Variants in RAB40C observed in about 807,000 individuals in gnomAD.
RAB40C encodes the protein RAB40C, member RAS oncogene family, also known as ras-related protein Rab-40C.
A neutral mutation model predicts 28.1 loss-of-function variants in RAB40C; 8 were observed. The observed-to-expected ratio is 0.28, with a 90% CI of 0.17 to 0.51. RAB40C has a LOEUF of 0.51. Ranked by LOEUF, RAB40C falls within the 20% of genes least tolerant of loss-of-function variation. The pLI is 0.97. For synonymous variants in RAB40C, 201 were observed against 171.7 expected, an observed-to-expected ratio of 1.17 and a Z score of -1.34; for missense variants, 288 against 405.9, an observed-to-expected ratio of 0.71 and a Z score of 2.50.
rs1261748631 is a variant in RAB40C, at chr16:626,133, G to A, written c.565+12G>A. The A allele has an allele frequency of 6.2e-7, 1 of 1,607,712 alleles. No homozygotes were observed. The highest frequency in any genetic ancestry group is 2.2e-5 in the East Asian group (1 of 44,866). ...GAGGCCCAACCGAGGTGGGTGGGCG[G>A]GCGCCGGCCAGCCCTGAGGTCCCCG... is the stretch of plus-strand genomic sequence containing the variant. On this transcript the variant is annotated intron_variant, in intron 5 of 5. Transcript: ENST00000248139.
Position 610,123 on chromosome 16 carries a change from G to A in RAB40C, c.143-7085G>A, listed in dbSNP as rs2036453225. Reference sequence around the variant, plus strand: ...TGAGACTTGGTCTCCTGTAGCTGGTGGGGAAGCGGCACCCTGTGCGGTAGA... The same window carrying A: ...TGAGACTTGGTCTCCTGTAGCTGGTAGGGAAGCGGCACCCTGTGCGGTAGA... On this transcript the variant is annotated intron_variant, in intron 1 of 5. Transcript: ENST00000248139. The surrounding 1 kb of genome is among the most constrained non-coding windows in gnomAD (Gnocchi z 4.6). Among the ~76,000 whole-genome samples the A allele has an allele frequency of 6.7e-6, 1 of 150,270 alleles. No homozygotes were observed. The highest frequency in any genetic ancestry group is 1.5e-5 in the Non-Finnish European group (1 of 68,032).
intron 3 of RAB40C, 113 bp from the exon 4 acceptor site, chr16:625,319 A>G (rs1220986952): frequency 8.0e-6 from 12 of 1,497,732 alleles, no homozygotes; most frequent in African/African-American, 1.4e-5. Flanking sequence ...CCGCCAAGTA[A>G]TAAGCATCCT....
chr16:626,066 A>T lies in RAB40C; in HGVS notation c.510A>T (p.Leu170=), dbSNP rs751059991. ...NFNVIESFTE[L]SRIVLMRHGM... ...ACGTCATCGAGTCCTTCACGGAGCT[A>T]TCCCGCATCGTGCTCATGCGGCACG... Residue 170 remains leucine (L), a synonymous_variant, in exon 5 of 6, where the codon CTA becomes CTT. Transcript: ENST00000248139. 6.2e-7 allele frequency: 1 copy of T among 1,613,244 alleles called. No homozygotes were observed. The highest frequency in any genetic ancestry group is 1.3e-5 in the African/African-American group (1 of 74,942).
At chr16:591,182 C>A (rs779300314) in intron 1 of RAB40C, among the ~76,000 whole-genome samples, 1 of 135,126 alleles carries the variant, frequency 7.4e-6, no homozygotes, top group South Asian at 2.3e-4. Context: ...GGGAAGGTGT[C>A]ATGGGCCTAA....
intron 3 of RAB40C, chr16:625,056 G>C (rs544396053): frequency 3.1e-6 from 4 of 1,294,782 alleles, no homozygotes; most frequent in South Asian, 1.2e-5. Flanking sequence ...AGGTACTCCC[G>C]GGGGGATTCA....
At chr16:601,365 G>A (rs1002121007) in intron 1 of RAB40C, among the ~76,000 whole-genome samples, 1 of 152,164 alleles carries the variant, frequency 6.6e-6, no homozygotes, top group Non-Finnish European at 1.5e-5. Flanking sequence ...TAGGTGGGCT[G>A]GGCAGAAGGC....
At position 617,249 on chromosome 16, in the gene RAB40C, C is replaced by T. The variant is rs765943081; in HGVS notation, c.184C>T (p.Arg62Cys). 3.7e-5 allele frequency: 60 copies of T among 1,614,022 alleles called. No individual in the cohort carries two copies. Among genetic ancestry groups the T allele is most frequent in the East Asian group, 2.2e-5 (1 of 44,888 alleles). ...KTTTILLDGR[R>C]VKLELWDTSG... is the part of the protein sequence containing the mutation. The stretch of plus-strand genomic sequence containing the variant: ...CACCACCATCCTGCTGGACGGCCGG[C>T]GCGTGAAGCTGGAGCTCTGGTGAGT... Residue 62 changes from arginine (R) to cysteine (C), a missense_variant, in exon 2 of 6, where the codon CGC becomes TGC. Coordinates refer to ENST00000248139, the MANE Select transcript of RAB40C (RefSeq NM_021168.5).
At chr16:625,281 GC>G in intron 3 of RAB40C, 150 bp from the exon 4 acceptor site, 2 of 1,457,794 alleles carry the variant, frequency 1.4e-6, no homozygotes, top group Non-Finnish European at 1.8e-6. Context: ...CACCAGCTCT[GC>G]CTGGAGGGCA....
At chr16:602,840 G>A (rs2036281744) in intron 1 of RAB40C, among the ~76,000 whole-genome samples, 1 of 152,338 alleles carries the variant, frequency 6.6e-6, no homozygotes, top group East Asian at 1.9e-4. Flanking sequence ...AAAGTGTCGA[G>A]ATGACAGGTG....
intron 1 of RAB40C, among the ~76,000 whole-genome samples, chr16:608,102 A>G (rs1247866983): frequency 1.3e-5 from 2 of 152,188 alleles, no homozygotes; most frequent in Admixed American, 1.3e-4. Context: ...TCATTTGTAA[A>G]GAAAAGAGGT....
upstream of RAB40C, chr16:589,940 G>A (rs1185510295): frequency 6.6e-6 from 1 of 151,448 alleles, no homozygotes; most frequent in South Asian, 1.9e-4. Flanking sequence ...GGTGCGACCG[G>A]AGGTCTGGCG....
At chr16:591,456 G>A (rs897994907) in intron 1 of RAB40C, among the ~76,000 whole-genome samples, 5 of 152,220 alleles carry the variant, frequency 3.3e-5, no homozygotes, top group Non-Finnish European at 5.9e-5. Context: ...AGCGTGCACA[G>A]ATGACAGGTC....
At chr16:622,957 T>C (rs2036752345) in intron 3 of RAB40C, among the ~76,000 whole-genome samples, 1 of 152,060 alleles carries the variant, frequency 6.6e-6, no homozygotes, top group South Asian at 2.1e-4. Context: ...GAGTCTCCTT[T>C]TGGTTTCTCA....
intron 1 of RAB40C, among the ~76,000 whole-genome samples, chr16:591,716 C>A (rs1268425902): frequency 6.6e-6 from 1 of 151,902 alleles, no homozygotes; most frequent in Non-Finnish European, 1.5e-5. Flanking sequence ...CTCAGCCTCC[C>A]GAGTAGCTGG....
At chr16:619,645 G>C (rs542819175) in intron 3 of RAB40C, among the ~76,000 whole-genome samples, 1 of 152,196 alleles carries the variant, frequency 6.6e-6, no homozygotes, top group East Asian at 1.9e-4. Flanking sequence ...GGGCCAGTTC[G>C]TGAGCCTGGA....
intron 2 of RAB40C, 133 bp from the exon 3 acceptor site, chr16:618,067 C>G: frequency 1.3e-6 from 1 of 781,016 alleles, no homozygotes; most frequent in South Asian, 1.6e-5. Context: ...AGCCGCTTAG[C>G]ACAGCCTCAT....
intron 3 of RAB40C, among the ~76,000 whole-genome samples, chr16:621,881 G>C (rs1407133289): frequency 6.6e-6 from 1 of 152,214 alleles, no homozygotes; most frequent in Non-Finnish European, 1.5e-5. Context: ...CGTGGTACGG[G>C]AGGCACACGT....
In RAB40C at chr16:604,665, C is replaced by T. The variant is rs144391427; in HGVS notation, c.143-12543C>T. Among the ~76,000 whole-genome samples the T allele has an allele frequency of 8.9e-3, 1,356 of 152,292 alleles. 26 individuals carry two copies. The highest frequency in any genetic ancestry group is 0.031 in the African/African-American group (1,294 of 41,544). On this transcript the variant is annotated intron_variant, in intron 1 of 5. Coordinates refer to ENST00000248139, the MANE Select transcript of RAB40C (RefSeq NM_021168.5). The stretch of plus-strand genomic sequence containing the variant: ...GGTGTTTCTGTTCCCTTAGGTAGAT[C>T]TAAGAGTGGAATTGCTGTCATATAT...
In RAB40C at chr16:590,184, T is replaced by G. The variant is rs1341504157; in HGVS notation, c.-108T>G. 1.6e-5 allele frequency: 13 copies of G among 825,442 alleles called. No homozygotes were observed. Among genetic ancestry groups the G allele is most frequent in the Non-Finnish European group, 1.9e-5 (13 of 674,320 alleles). 51.1% of individuals were successfully genotyped at this position (825,442 alleles called of 1,614,324 possible). A position where few individuals can be genotyped will look rare whatever the true frequency, so the allele number is the denominator to read the frequency against. ...TTCGGGCGCGCCCACTCGGCCGCCG[T>G]GGGGCGGACGCAACGGGCGCAGGTG... is the stretch of plus-strand genomic sequence containing the variant. On this transcript the variant is annotated 5_prime_UTR_variant, in exon 1 of 6. Transcript: ENST00000248139.
Sources: allele counts gnomAD v4.1 joint callset (sites outside exome capture counted in the v4.1 genomes callset), GRCh38; gene constraint gnomAD v4.1.1; non-coding constraint Gnocchi (gnomAD v3.1); transcripts MANE v1.5; gene names NCBI Gene and HGNC (gene_info 2026-07-23, HGNC 2026-07-21).